The following NSMAF variants were observed in gnomAD, a reference collection of about 807,000 sequenced individuals.
NSMAF encodes the protein neutral sphingomyelinase activation associated factor.
Under a neutral mutation model 134.9 loss-of-function variants are expected in NSMAF, and 90 were observed. The observed-to-expected ratio is 0.67, with a 90% confidence interval of 0.56 to 0.79. The LOEUF (loss-of-function observed/expected upper bound fraction) is 0.79, where lower values mean the gene tolerates loss of function less well. NSMAF is among the 30% of genes least tolerant of loss of function. The probability of loss-of-function intolerance (pLI) is 0.00; values close to 1 mark genes in which losing one functional copy is unlikely to be tolerated. For synonymous variants in NSMAF, 358 were observed against 389.6 expected, an observed-to-expected ratio of 0.92 and a Z score of 0.96; for missense variants, 1,010 against 1,119.0, an observed-to-expected ratio of 0.90 and a Z score of 1.39.
chr8:58,600,873 G>T (rs1273319247), intron 16 of NSMAF, among the ~76,000 whole-genome samples: 1 of 151,916 alleles, frequency 6.6e-6, no homozygotes, highest in East Asian at 1.9e-4. Flanking sequence ...TACACACAGG[G>T]AGCTGTATTC....
At chr8:58,648,497 G>A (rs1230473371) in intron 1 of NSMAF, among the ~76,000 whole-genome samples, 11 of 152,164 alleles carry the variant, frequency 7.2e-5, no homozygotes, top group Admixed American at 7.2e-4. Flanking sequence ...GGTTGCCAAG[G>A]GCTAATATCC....
chr8:58,584,195 C>G lies in NSMAF; in HGVS notation c.2665G>C (p.Val889Leu). Residue 889 changes from valine (V) to leucine (L), a missense_variant, in exon 31 of 31, where the codon GTG (valine) becomes CTG (leucine). Transcript: ENST00000038176. ...TGTTCATTCATCCATATACATGTCA[C>G]AGCACCTGAGAGAAAGACATTTTGG... is the stretch of plus-strand genomic sequence containing the variant. The part of the protein sequence containing the change: ...SERIQGHTGA[V>L]TCIWMNEQCS... 1 of 1,612,698 alleles carries G rather than the reference C, an allele frequency of 6.2e-7. No individual in the cohort carries two copies. Among genetic ancestry groups the G allele is most frequent in the Admixed American group, 1.7e-5 (1 of 59,964 alleles).
intron 9 of NSMAF, among the ~76,000 whole-genome samples, chr8:58,610,983 A>T (rs138976513): frequency 6.6e-6 from 1 of 152,326 alleles, no homozygotes; most frequent in East Asian, 1.9e-4. Context: ...GATTTGATTG[A>T]CAGAGCCTCC....
chr8:58,643,421 C>T (rs1328316070), intron 1 of NSMAF, among the ~76,000 whole-genome samples: 1 of 152,188 alleles, frequency 6.6e-6, no homozygotes, highest in African/African-American at 2.4e-5. Context: ...TTTCCCCTGA[C>T]TGAACAATGC....
At position 58,599,775 on chromosome 8, in the gene NSMAF, G is replaced by A. The variant is rs2680903; in HGVS notation, c.1428C>T (p.Asp476=). 1,504,436 of 1,613,946 alleles carry A rather than the reference G, an allele frequency of 0.93. 701,624 individuals carry two copies. Among genetic ancestry groups the A allele is most frequent in the East Asian group, 0.98 (44,064 of 44,880 alleles). ...TGGAAGCCCAAGGGGGAAGCTCCACGTCGTCAACCATCTGTCCTCCTTGTC... is the reference window on the plus strand; with the variant it reads ...TGGAAGCCCAAGGGGGAAGCTCCACATCGTCAACCATCTGTCCTCCTTGTC... The part of the protein sequence containing the change: ...GKRQGGQMVD[D]VELPPWASSP... The change falls in exon 18 of 31, where the codon GAC becomes GAT. Residue 476 remains aspartate, a synonymous_variant. Coordinates refer to ENST00000038176, the MANE Select transcript of NSMAF (RefSeq NM_003580.4).
chr8:58,584,782 G>A (rs184246148), intron 30 of NSMAF, among the ~76,000 whole-genome samples: 181 of 152,252 alleles, frequency 1.2e-3, no homozygotes, highest in Admixed American at 2.7e-3. Context: ...GACCACAGGC[G>A]TGTGTCACCA....
chr8:58,639,334 C>A (rs1215413285), intron 2 of NSMAF, among the ~76,000 whole-genome samples: 2 of 151,174 alleles, frequency 1.3e-5, no homozygotes, highest in Admixed American at 6.6e-5. Flanking sequence ...ATACAAATGG[C>A]CAACAAGCAT....
Position 58,623,283 on chromosome 8 carries a change from A to G in NSMAF, c.505-11T>C, listed in dbSNP as rs752217428. ...CAAAATAGCTGTTATCTATTAAAAC[A>G]GAACCAGAAAAAAAGTATTTATAAG... On this transcript the variant is annotated splice_polypyrimidine_tract_variant and intron_variant, in intron 8 of 30. Coordinates refer to ENST00000038176, the MANE Select transcript of NSMAF (RefSeq NM_003580.4). 1.9e-6 allele frequency: 3 copies of G among 1,601,820 alleles called. No individual in the cohort carries two copies. Among genetic ancestry groups the G allele is most frequent in the Non-Finnish European group, 1.7e-6 (2 of 1,174,220 alleles).
intron 10 of NSMAF, among the ~76,000 whole-genome samples, chr8:58,609,402 A>T (rs893837928): frequency 6.6e-6 from 1 of 152,072 alleles, no homozygotes; most frequent in East Asian, 1.9e-4. Context: ...CTGAAAACAG[A>T]TCAGAAGAAC....
chr8:58,618,735 A>G (rs1249217904), intron 9 of NSMAF, among the ~76,000 whole-genome samples: 2 of 152,152 alleles, frequency 1.3e-5, no homozygotes, highest in Admixed American at 1.3e-4. Flanking sequence ...TAGCGTTTCA[A>G]CTTGTGACAG....
At chr8:58,639,821 G>A in intron 2 of NSMAF, 1 of 216,054 alleles carries the variant, frequency 4.6e-6, no homozygotes, top group South Asian at 6.3e-5. Context: ...CTCAAAAAAG[G>A]AAATCCTGCT....
intron 6 of NSMAF, among the ~76,000 whole-genome samples, chr8:58,627,865 C>T (rs964300218): frequency 5.3e-5 from 8 of 152,068 alleles, no homozygotes; most frequent in African/African-American, 1.9e-4. Context: ...CATCAAAATA[C>T]CTTTGTCAAT....
At chr8:58,647,127 A>G (rs1315891598) in intron 1 of NSMAF, among the ~76,000 whole-genome samples, 1 of 152,230 alleles carries the variant, frequency 6.6e-6, no homozygotes, top group Non-Finnish European at 1.5e-5. Context: ...CACTGTGATA[A>G]GAAGTGTAAC....
intron 28 of NSMAF, 145 bp downstream of exon 28, chr8:58,586,313 G>A (rs1044984236): frequency 1.3e-6 from 1 of 776,308 alleles, no homozygotes; most frequent in African/African-American, 1.8e-5. Context: ...GCATAAAGCA[G>A]TGTTAGCCAT....
intron 23 of NSMAF, among the ~76,000 whole-genome samples, chr8:58,593,306 A>G (rs1465920318): frequency 6.6e-6 from 1 of 152,214 alleles, no homozygotes; most frequent in African/African-American, 2.4e-5. Context: ...ATTTTTTTAT[A>G]TACAATCCAA....
chr8:58,606,052 A>AAAAGAATAAAAT lies in NSMAF; in HGVS notation c.760-18_760-17insATTTTATTCTTT. ...TTCCAAGCCCTATAAATTCAAAAAG[A>AAAAGAATAAAAT]AAATAATAAAATAAATAGCATTGTA... On this transcript the variant is annotated splice_polypyrimidine_tract_variant and intron_variant, in intron 11 of 30. Transcript: ENST00000038176. The AAAAGAATAAAAT allele has an allele frequency of 6.7e-7, 1 of 1,485,234 alleles. No homozygotes were observed. Among genetic ancestry groups the AAAAGAATAAAAT allele is most frequent in the African/African-American group, 1.4e-5 (1 of 70,224 alleles). 92.0% of individuals were successfully genotyped at this position (1,485,234 alleles called of 1,614,324 possible). A position where few individuals can be genotyped will look rare whatever the true frequency, so the allele number is the denominator to read the frequency against.
At chr8:58,627,566 C>T (rs763627844) in intron 6 of NSMAF, among the ~76,000 whole-genome samples, 1 of 152,086 alleles carries the variant, frequency 6.6e-6, no homozygotes, top group African/African-American at 2.4e-5. Context: ...ACACCAACAA[C>T]GGCCAAGCTA....
At chr8:58,608,663 A>C (rs1806460196) in intron 10 of NSMAF, among the ~76,000 whole-genome samples, 1 of 152,212 alleles carries the variant, frequency 6.6e-6, no homozygotes, top group African/African-American at 2.4e-5. Context: ...CAATAGTAGC[A>C]GCCAAGCCAA....
At chr8:58,653,579 G>T (rs1807635229) in intron 1 of NSMAF, among the ~76,000 whole-genome samples, 1 of 151,696 alleles carries the variant, frequency 6.6e-6, no homozygotes, top group South Asian at 2.1e-4. Flanking sequence ...TAGAAGTAAA[G>T]AGGTCATTAT....
Sources: gnomAD v4.1 joint callset for allele counts (sites outside exome capture counted in the v4.1 genomes callset) on GRCh38, gnomAD v4.1.1 for gene constraint, MANE v1.5 for transcripts, NCBI Gene and HGNC (gene_info 2026-07-23, HGNC 2026-07-21) for gene names.